Variants in AEBP2 observed in about 807,000 individuals in gnomAD.
AEBP2 encodes the protein zinc finger protein AEBP2.
A neutral mutation model predicts 50.8 loss-of-function variants in AEBP2; 10 were observed. That is an observed-to-expected ratio of 0.20 (90% CI 0.12 to 0.33). The LOEUF (loss-of-function observed/expected upper bound fraction) is 0.33, where lower values mean the gene tolerates loss of function less well. Ranked by LOEUF, AEBP2 falls within the 10% of genes least tolerant of loss-of-function variation. The pLI is 1.00. For missense variants in AEBP2, 570 were observed against 688.0 expected, an observed-to-expected ratio of 0.83 and a Z score of 1.92; for synonymous variants, 296 against 261.3, an observed-to-expected ratio of 1.13 and a Z score of -1.28.
intron 5 of AEBP2, among the ~76,000 whole-genome samples, chr12:19,506,710 G>A (rs950677930): frequency 6.6e-6 from 1 of 152,130 alleles, no homozygotes; most frequent in African/African-American, 2.4e-5. Context: ...GAAAGTCAGG[G>A]GTGAGAGTAA....
chr12:19,488,371 G>A (rs921562222), intron 3 of AEBP2, among the ~76,000 whole-genome samples: 2 of 148,052 alleles, frequency 1.4e-5, no homozygotes, highest in Non-Finnish European at 3.0e-5. Flanking sequence ...TAATCGATCC[G>A]CTCACCTCGG....
rs1026960909 is a variant in AEBP2 at position 19,439,906 on chromosome 12, C to A, written c.207C>A (p.Gly69=). ...LNGGSGGGGG[G]GGGGVGGGEA... ...GCGGCAGCGGTGGGGGCGGCGGAGG[C>A]GGCGGCGGAGGAGTGGGGGGCGGCG... is the stretch of plus-strand genomic sequence containing the variant. Residue 69 remains glycine, a synonymous_variant, in exon 1 of 8, where the codon GGC becomes GGA. Coordinates refer to ENST00000266508, the MANE Select transcript of AEBP2 (RefSeq NM_153207.5). 1.4e-6 allele frequency: 2 copies of A among 1,479,504 alleles called. No homozygotes were observed. The highest frequency in any genetic ancestry group is 1.5e-5 in the African/African-American group (1 of 67,306). The allele number at this position is 1,479,504 out of a possible 1,614,324, so 91.6% of individuals were successfully genotyped here.
In AEBP2 at chr12:19,439,865, G is replaced by A. The variant is rs1388225174; in HGVS notation, c.166G>A (p.Ala56Thr). 6.7e-7 allele frequency: 1 copy of A among 1,483,892 alleles called. No individual in the cohort carries two copies. The highest frequency in any genetic ancestry group is 8.9e-7 in the Non-Finnish European group (1 of 1,126,592). 91.9% of individuals were successfully genotyped at this position (1,483,892 alleles called of 1,614,324 possible). A position where few individuals can be genotyped will look rare whatever the true frequency, so the allele number is the denominator to read the frequency against. ...EEEAEAEAVA[A>T]LLLNGGSGGG... ...GGAGGCGGAGGCCGAGGCGGTGGCG[G>A]CGCTGCTGCTGAACGGCGGCAGCGG... is the stretch of plus-strand genomic sequence containing the variant. The change falls in exon 1 of 8, where the codon GCG (alanine) becomes ACG (threonine). Residue 56 changes from alanine (A) to threonine (T), a missense_variant. By Grantham distance (58) the Ala-to-Thr change is moderately conservative. Around this residue, in one of 2 missense-constraint regions of AEBP2, gnomAD observed 386 missense variants for 336.8 expected, o/e 1.15. Transcript: ENST00000266508.
At chr12:19,406,757 C>G (rs1380082783) in intron 1 of AEBP2, among the ~76,000 whole-genome samples, 1 of 151,730 alleles carries the variant, frequency 6.6e-6, no homozygotes, top group African/African-American at 2.4e-5. Context: ...GGTGTTCTAT[C>G]TAAAAAGTGA....
chr12:19,496,908 C>G (rs376002513), intron 4 of AEBP2, among the ~76,000 whole-genome samples: 21 of 151,662 alleles, frequency 1.4e-4, no homozygotes, highest in East Asian at 9.6e-4. Flanking sequence ...TCAAATGGTC[C>G]ACCCATCTCA....
intron 1 of AEBP2, among the ~76,000 whole-genome samples, chr12:19,458,897 G>C (rs1948320924): frequency 6.6e-6 from 1 of 152,086 alleles, no homozygotes; most frequent in African/African-American, 2.4e-5. Flanking sequence ...ATATCTTTCT[G>C]TGCCCTTGGA....
In AEBP2 at chr12:19,418,389, C is replaced by CTTTT. The variant is rs372043971; in HGVS notation, c.-17+14192_-17+14195dup. Reference sequence around the variant, plus strand: ...ACAGGTGCATGCTAACTATGCCTGGCTTTTTTTTTTTTTTTTTTTTTTGTG... The same window carrying CTTTT: ...ACAGGTGCATGCTAACTATGCCTGGCTTTTTTTTTTTTTTTTTTTTTTTTTTGTG... On this transcript the variant is annotated intron_variant, in intron 1 of 3. Coordinates refer to the AEBP2 transcript ENST00000538425. 5.2e-3 allele frequency among the ~76,000 whole-genome samples: 497 copies of CTTTT among 94,804 alleles called. 4 individuals are homozygous for CTTTT. Among genetic ancestry groups the CTTTT allele is most frequent in the Non-Finnish European group, 6.6e-3 (326 of 49,606 alleles). 62.2% of individuals were successfully genotyped at this position (94,804 alleles called of 152,430 possible). A position where few individuals can be genotyped will look rare whatever the true frequency, so the allele number is the denominator to read the frequency against.
intron 3 of AEBP2, among the ~76,000 whole-genome samples, chr12:19,474,043 AAAAT>A (rs1235996753): frequency 1.2e-4 from 18 of 152,290 alleles, no homozygotes; most frequent in African/African-American, 2.6e-4. Flanking sequence ...ACTATTATAT[AAAAT>A]AAATAAATTG....
intron 1 of AEBP2, among the ~76,000 whole-genome samples, chr12:19,451,717 C>G (rs1210914790): frequency 1.3e-5 from 2 of 149,720 alleles, no homozygotes; most frequent in African/African-American, 2.5e-5. Flanking sequence ...GACAAGGTCT[C>G]GCTTGCTGGG....
chr12:19,413,884 T>G (rs914544119), intron 1 of AEBP2, among the ~76,000 whole-genome samples: 1 of 151,712 alleles, frequency 6.6e-6, no homozygotes. Context: ...GTTTTTTTTT[T>G]GTTTGTTTTT....
chr12:19,457,227 A>T, intron 1 of AEBP2: 2 of 1,598,506 alleles, frequency 1.3e-6, no homozygotes, highest in Non-Finnish European at 1.7e-6. Context: ...CCAAAAGGGC[A>T]TGCTCCTAGG....
intron 1 of AEBP2, among the ~76,000 whole-genome samples, chr12:19,429,436 A>G (rs1338379572): frequency 2.0e-5 from 3 of 152,172 alleles, no homozygotes; most frequent in East Asian, 1.9e-4. Context: ...CGCAATAAAC[A>G]CACGTGTGCA....
intron 1 of AEBP2, among the ~76,000 whole-genome samples, chr12:19,404,541 G>T (rs1432304323): frequency 6.6e-6 from 1 of 152,114 alleles, no homozygotes; most frequent in Admixed American, 6.5e-5. Context: ...TGTTCACAGT[G>T]TGAATCTCTA....
chr12:19,408,686 G>A (rs990441302), intron 1 of AEBP2, among the ~76,000 whole-genome samples: 1 of 152,054 alleles, frequency 6.6e-6, no homozygotes, highest in African/African-American at 2.4e-5. Flanking sequence ...TGGATCACGA[G>A]GTCAGGAGTT....
intron 1 of AEBP2, among the ~76,000 whole-genome samples, chr12:19,446,674 G>C (rs1431276285): frequency 6.7e-6 from 1 of 150,204 alleles, no homozygotes; most frequent in Non-Finnish European, 1.5e-5. Context: ...GGAGCTTGCA[G>C]TGAGCAGAGT....
intron 1 of AEBP2, 74 bp from the exon 2 acceptor site, chr12:19,462,436 A>G (rs1948395900): frequency 2.4e-6 from 3 of 1,251,164 alleles, no homozygotes; most frequent in Middle Eastern, 3.8e-4. Flanking sequence ...GGTAATCTTA[A>G]TTAAATATTT....
intron 3 of AEBP2, 50 bp from the exon 4 acceptor site, chr12:19,493,750 C>A: frequency 6.5e-7 from 1 of 1,538,278 alleles, no homozygotes; most frequent in South Asian, 1.2e-5. Flanking sequence ...ATATTCTTCT[C>A]GTGCCCTACA....
intron 1 of AEBP2, among the ~76,000 whole-genome samples, chr12:19,449,159 T>C (rs1206480496): frequency 6.6e-6 from 1 of 152,212 alleles, no homozygotes; most frequent in Non-Finnish European, 1.5e-5. Context: ...CTGATATTTT[T>C]CCTCAAAATT....
chr12:19,449,536 A>T (rs1437263840), intron 1 of AEBP2, among the ~76,000 whole-genome samples: 1 of 152,234 alleles, frequency 6.6e-6, no homozygotes, highest in Non-Finnish European at 1.5e-5. Flanking sequence ...CATAGACTAT[A>T]TTTCATCATT....
Sources: gnomAD v4.1 joint callset for allele counts (sites outside exome capture counted in the v4.1 genomes callset) on GRCh38, gnomAD v4.1.1 for gene constraint, gnomAD v4.1.1 regional missense constraint, MANE v1.5 for transcripts, NCBI Gene and HGNC (gene_info 2026-07-23, HGNC 2026-07-21) for gene names.